Variants in KCNMA1 observed in about 807,000 individuals in gnomAD.
KCNMA1 encodes potassium calcium-activated channel subfamily M alpha 1.
In KCNMA1, 29 loss-of-function variants were observed where a neutral mutation model predicts 140.0. The ratio of observed to expected loss-of-function variants is 0.21; its 90% confidence interval spans 0.15 to 0.28. KCNMA1 has a LOEUF of 0.28. Ranked by LOEUF, KCNMA1 falls within the 10% of genes least tolerant of loss-of-function variation. The probability of loss-of-function intolerance (pLI) is 1.00; values close to 1 mark genes in which losing one functional copy is unlikely to be tolerated. For synonymous variants in KCNMA1, 612 were observed against 611.9 expected, an observed-to-expected ratio of 1.00 and a Z score of 0.00; for missense variants, 880 against 1,602.2, an observed-to-expected ratio of 0.55 and a Z score of 7.70.
intron 1 of KCNMA1, among the ~76,000 whole-genome samples, chr10:77,556,945 A>C (rs1042411405): frequency 1.3e-5 from 2 of 152,216 alleles, no homozygotes; most frequent in African/African-American, 2.4e-5. Flanking sequence ...AGAGACTGAA[A>C]GTCACTGAGG....
chr10:77,391,079 T>C (rs2095803285), intron 2 of KCNMA1, among the ~76,000 whole-genome samples: 1 of 152,142 alleles, frequency 6.6e-6, no homozygotes, highest in Non-Finnish European at 1.5e-5. Context: ...TGGGAACAGT[T>C]CTAGGAAGGT....
intron 1 of KCNMA1, among the ~76,000 whole-genome samples, chr10:77,624,406 CT>C (rs1162676254): frequency 2.6e-5 from 4 of 151,422 alleles, no homozygotes; most frequent in East Asian, 3.9e-4. Context: ...ATTTCTGAGA[CT>C]TTTTTTTTAA....
chr10:76,895,282 C>T (rs193198578), intron 25 of KCNMA1, among the ~76,000 whole-genome samples: 29 of 152,286 alleles, frequency 1.9e-4, no homozygotes, highest in African/African-American at 6.0e-4. Flanking sequence ...GCCAATGCCG[C>T]TGGCCGAATA....
chr10:77,475,700 G>A (rs1464638465), intron 1 of KCNMA1, among the ~76,000 whole-genome samples: 1 of 152,106 alleles, frequency 6.6e-6, no homozygotes, highest in Non-Finnish European at 1.5e-5. Context: ...ACAAAGTCCT[G>A]TAGCCAGTAC....
intron 3 of KCNMA1, among the ~76,000 whole-genome samples, chr10:77,238,897 C>A (rs1247350864): frequency 1.3e-5 from 2 of 152,184 alleles, no homozygotes; most frequent in Non-Finnish European, 2.9e-5. Context: ...CACAAAAGAA[C>A]CACCACCAGT....
At chr10:76,938,103 T>C (rs559576226) in intron 23 of KCNMA1, among the ~76,000 whole-genome samples, 74 of 119,638 alleles carry the variant, frequency 6.2e-4, no homozygotes, top group Non-Finnish European at 8.3e-4. Context: ...CTTTCTGAGA[T>C]GGTATACTTC....
intron 5 of KCNMA1, among the ~76,000 whole-genome samples, chr10:77,123,159 G>A (rs1402098627): frequency 8.6e-6 from 1 of 116,810 alleles, no homozygotes; most frequent in Non-Finnish European, 1.6e-5. Context: ...CAGCCTGGGC[G>A]ACAGAGCGAG....
chr10:77,570,622 G>T (rs1169919133), intron 1 of KCNMA1, among the ~76,000 whole-genome samples: 2 of 126,798 alleles, frequency 1.6e-5, no homozygotes, highest in African/African-American at 3.1e-5. Flanking sequence ...AGCATTGGGA[G>T]ATATACCTAA....
At chr10:77,239,144 A>C (rs2056519820) in intron 3 of KCNMA1, among the ~76,000 whole-genome samples, 1 of 152,208 alleles carries the variant, frequency 6.6e-6, no homozygotes, top group African/African-American at 2.4e-5. Flanking sequence ...TGTTCTTTAA[A>C]GGCCTTGCCT....
chr10:77,030,775 C>T (rs141240528), intron 15 of KCNMA1, among the ~76,000 whole-genome samples: 4 of 152,264 alleles, frequency 2.6e-5, no homozygotes, highest in African/African-American at 4.8e-5. Flanking sequence ...GGGATGGACC[C>T]GCAGATCTGA....
At chr10:77,039,937 A>G (rs1412405323) in intron 14 of KCNMA1, among the ~76,000 whole-genome samples, 2 of 111,146 alleles carry the variant, frequency 1.8e-5, no homozygotes, top group Non-Finnish European at 3.3e-5. Flanking sequence ...CCTGGGCTGG[A>G]GTGCAGTGGG....
intron 20 of KCNMA1, among the ~76,000 whole-genome samples, chr10:76,954,711 A>G (rs1218189836): frequency 6.6e-6 from 1 of 152,194 alleles, no homozygotes; most frequent in Non-Finnish European, 1.5e-5. Flanking sequence ...CTTAGATGAG[A>G]GCCTCAAGCT....
chr10:77,001,662 A>T, intron 18 of KCNMA1, 82 bp from the exon 19 acceptor site: 2 of 1,151,526 alleles, frequency 1.7e-6, no homozygotes, highest in Non-Finnish European at 2.5e-6. Context: ...GCTGGAAGGG[A>T]GCTGAAGGGA....
chr10:77,622,978 A>G (rs1169554884), intron 1 of KCNMA1, among the ~76,000 whole-genome samples: 1 of 152,232 alleles, frequency 6.6e-6, no homozygotes, highest in African/African-American at 2.4e-5. Context: ...AGGAAGTAAA[A>G]AGGAACATGG....
intron 2 of KCNMA1, among the ~76,000 whole-genome samples, chr10:77,328,153 G>C (rs1201006307): frequency 6.6e-6 from 1 of 152,158 alleles, no homozygotes; most frequent in East Asian, 1.9e-4. Context: ...AAGATTTGTT[G>C]TTGGGAATTA....
At chr10:77,395,946 A>T in intron 2 of KCNMA1, among the ~76,000 whole-genome samples, 1 of 152,232 alleles carries the variant, frequency 6.6e-6, no homozygotes, top group East Asian at 1.9e-4. Context: ...AGATAAAGAC[A>T]AAATTTCATG....
At chr10:77,166,469 T>C (rs2098643424) in intron 5 of KCNMA1, among the ~76,000 whole-genome samples, 1 of 152,098 alleles carries the variant, frequency 6.6e-6, no homozygotes. Flanking sequence ...CAGAGGTTCC[T>C]GTCTCAAGCA....
At chr10:77,136,703 C>T (rs918690503) in intron 5 of KCNMA1, among the ~76,000 whole-genome samples, 9 of 151,970 alleles carry the variant, frequency 5.9e-5, no homozygotes, top group Admixed American at 5.9e-4. Context: ...AAAATGATGA[C>T]AGTGGCCATG....
At chr10:77,008,089 G>A in intron 18 of KCNMA1, 1 of 1,243,416 alleles carries the variant, frequency 8.0e-7, no homozygotes, top group Non-Finnish European at 1.1e-6. Flanking sequence ...AAAGTAAAAG[G>A]GAAACTAAAA....
Sources: gnomAD v4.1 joint callset for allele counts (sites outside exome capture counted in the v4.1 genomes callset) on GRCh38, gnomAD v4.1.1 for gene constraint, MANE v1.5 for transcripts, NCBI Gene and HGNC (gene_info 2026-07-23, HGNC 2026-07-21) for gene names.